Variants in HPSE observed in about 807,000 individuals in gnomAD.
The protein encoded by HPSE is endo-glucoronidase.
HPSE carries 48 observed loss-of-function variants against 65.1 expected under a neutral mutation model. The observed-to-expected ratio is 0.74, with a 90% CI of 0.58 to 0.94. The LOEUF is 0.94. Ranked by LOEUF, HPSE falls within the 40% of genes least tolerant of loss-of-function variation. HPSE has a pLI of 0.00. For missense variants in HPSE, 644 were observed against 637.5 expected, an observed-to-expected ratio of 1.01 and a Z score of -0.11; for synonymous variants, 243 against 260.0, an observed-to-expected ratio of 0.93 and a Z score of 0.63.
At chr4:83,299,195 C>G (rs1485222489) in intron 11 of HPSE, among the ~76,000 whole-genome samples, 5 of 151,884 alleles carry the variant, frequency 3.3e-5, no homozygotes, top group Admixed American at 3.3e-4. Context: ...GAAACCTCAT[C>G]TCTACTAAAA....
intron 8 of HPSE, among the ~76,000 whole-genome samples, chr4:83,307,446 A>G (rs1159683617): frequency 1.3e-5 from 2 of 152,162 alleles, no homozygotes; most frequent in Non-Finnish European, 2.9e-5. Context: ...CTCCCTTTAC[A>G]TCTTTCCATA....
intron 2 of HPSE, among the ~76,000 whole-genome samples, chr4:83,320,524 C>T (rs1449919668): frequency 2.0e-5 from 3 of 151,770 alleles, no homozygotes; most frequent in East Asian, 3.9e-4. Context: ...CAAGATCCCG[C>T]CATTGCACTC....
In HPSE at chr4:83,326,003, C is replaced by T. The variant is rs1442404501; in HGVS notation, c.228-3639G>A. ...AATAGGGCCACATCACGGAGGGCCC[C>T]GTAAGCCACATGTCCAGGAGTGCCA... is the stretch of plus-strand genomic sequence containing the variant. On this transcript the variant is annotated intron_variant, in intron 1 of 11. Transcript: ENST00000311412. This position sits in a 1 kb window ranked among gnomAD's most constrained non-coding sequence, Gnocchi z 4.2. Among the ~76,000 whole-genome samples, 3 of 152,036 alleles carry T rather than the reference C, an allele frequency of 2.0e-5. No individual in the cohort carries two copies. Among genetic ancestry groups the T allele is most frequent in the East Asian group, 1.9e-4 (1 of 5,194 alleles).
At chr4:83,306,354 G>C (rs770281239) in intron 8 of HPSE, 37 bp from the exon 9 acceptor site, 1 of 1,111,828 alleles carries the variant, frequency 9.0e-7, no homozygotes. Flanking sequence ...TTGAGGTTTG[G>C]AAACAAAATC....
intron 3 of HPSE, among the ~76,000 whole-genome samples, chr4:83,315,037 T>A (rs1736572743): frequency 1.3e-5 from 2 of 151,844 alleles, no homozygotes; most frequent in South Asian, 2.1e-4. Context: ...GCACCTGTAG[T>A]CCCAGCTACT....
intron 6 of HPSE, among the ~76,000 whole-genome samples, 181 bp from the exon 7 acceptor site, chr4:83,309,676 C>T (rs1217662462): frequency 6.6e-6 from 1 of 152,114 alleles, no homozygotes; most frequent in Non-Finnish European, 1.5e-5. Context: ...CCATTCTATG[C>T]AAGTAACTAG....
At chr4:83,325,836 A>G (rs1319439679) in intron 1 of HPSE, among the ~76,000 whole-genome samples, 1 of 152,232 alleles carries the variant, frequency 6.6e-6, no homozygotes, top group African/African-American at 2.4e-5. Context: ...GGTAGGATTG[A>G]AGAAAGCATT....
At chr4:83,315,815 C>T (rs901594422) in intron 3 of HPSE, among the ~76,000 whole-genome samples, 1 of 152,178 alleles carries the variant, frequency 6.6e-6, no homozygotes, top group Non-Finnish European at 1.5e-5. Context: ...GCACTTTGTA[C>T]TAGCCCTGAA....
intron 4 of HPSE, 88 bp from the exon 5 acceptor site, chr4:83,310,978 T>C: frequency 9.0e-7 from 1 of 1,114,984 alleles, no homozygotes; most frequent in Non-Finnish European, 1.3e-6. Flanking sequence ...AACAAAACAT[T>C]TTCCAAATTA....
chr4:83,331,417 C>T (rs1012341650), intron 1 of HPSE, among the ~76,000 whole-genome samples: 4 of 151,946 alleles, frequency 2.6e-5, no homozygotes, highest in Admixed American at 2.0e-4. Flanking sequence ...TTTAATATGG[C>T]TACTAGAAAA....
In HPSE at chr4:83,295,113, T is replaced by C. The variant is rs1019650357; in HGVS notation, c.*231A>G. ...CAAAACTTTAGATAAAAGTAAAACA[T>C]GCAAAATGCTAAGCAGTATTTGGAA... On this transcript the variant is annotated 3_prime_UTR_variant, in exon 12 of 12. Transcript: ENST00000311412. 5 of 273,208 alleles carry C rather than the reference T, an allele frequency of 1.8e-5. No individual in the cohort carries two copies. Among genetic ancestry groups the C allele is most frequent in the African/African-American group, 1.1e-4 (5 of 45,614 alleles). 16.9% of individuals were successfully genotyped at this position (273,208 alleles called of 1,614,324 possible).
At chr4:83,327,919 G>A (rs1321131243) in intron 1 of HPSE, among the ~76,000 whole-genome samples, 2 of 152,178 alleles carry the variant, frequency 1.3e-5, no homozygotes, top group Non-Finnish European at 2.9e-5. Context: ...TCTGGAAGTG[G>A]GTGAGACCAC....
At chr4:83,312,440 C>G (rs6535459) in intron 4 of HPSE, among the ~76,000 whole-genome samples, 121,136 of 151,938 alleles carry the variant, frequency 0.8, 48,400 homozygotes, top group East Asian at 0.87. Flanking sequence ...CACTTTGGGA[C>G]GCCGAGGCGG....
At chr4:83,307,175 T>C (rs959901867) in intron 8 of HPSE, among the ~76,000 whole-genome samples, 3 of 152,234 alleles carry the variant, frequency 2.0e-5, no homozygotes, top group Non-Finnish European at 4.4e-5. Flanking sequence ...AACTCTGGTC[T>C]CCTGCACAGC....
At chr4:83,315,072 A>G (rs1736573838) in intron 3 of HPSE, among the ~76,000 whole-genome samples, 1 of 151,876 alleles carries the variant, frequency 6.6e-6, no homozygotes, top group Non-Finnish European at 1.5e-5. Context: ...AGAATTGCTC[A>G]AACCCGGGAG....
chr4:83,302,408 T>A, intron 9 of HPSE, 140 bp from the exon 10 acceptor site: 2 of 314,254 alleles, frequency 6.4e-6, no homozygotes, highest in Non-Finnish European at 5.7e-6. Flanking sequence ...GGATTCATCT[T>A]TTTTTTTTTT....
chr4:83,297,100 A>G (rs910790488), intron 11 of HPSE, among the ~76,000 whole-genome samples: 1 of 152,204 alleles, frequency 6.6e-6, no homozygotes, highest in Admixed American at 6.5e-5. Context: ...ATACACAACT[A>G]CTTAACACAA....
At position 83,319,362 on chromosome 4, in the gene HPSE, T is replaced by C; in HGVS notation, c.481A>G (p.Lys161Glu). Residue 161 changes from lysine (K) to glutamate (E), a missense_variant, in exon 3 of 12, where the codon AAG (lysine) becomes GAG (glutamate). Lys to Glu is a moderately conservative substitution (Grantham distance 56). Transcript: ENST00000311412. ...LLREHYQKKF[K>E]NSTYSRSSVD... ...TTCTTACTTGAGTAGGTGCTGTTCTTGAACTTTTTCTGGTAGTGTTCTCGG... is the reference window on the plus strand; with the variant it reads ...TTCTTACTTGAGTAGGTGCTGTTCTCGAACTTTTTCTGGTAGTGTTCTCGG... 6.2e-7 allele frequency: 1 copy of C among 1,613,982 alleles called. No homozygotes were observed. Among genetic ancestry groups the C allele is most frequent in the African/African-American group, 1.3e-5 (1 of 75,028 alleles).
chr4:83,322,681 G>A (rs1055216339), intron 1 of HPSE, among the ~76,000 whole-genome samples: 1 of 151,898 alleles, frequency 6.6e-6, no homozygotes, highest in Non-Finnish European at 1.5e-5. Context: ...ATGATAGAAA[G>A]GGAATCATTG....
Sources: gnomAD v4.1 joint callset for allele counts (sites outside exome capture counted in the v4.1 genomes callset) on GRCh38, gnomAD v4.1.1 for gene constraint, Gnocchi (gnomAD v3.1) non-coding constraint, MANE v1.5 for transcripts, NCBI Gene and HGNC (gene_info 2026-07-23, HGNC 2026-07-21) for gene names.